Variants in CNMD observed in about 807,000 individuals in gnomAD.
CNMD encodes the protein chondromodulin, also known as leukocyte cell-derived chemotaxin 1.
Under a neutral mutation model 37.5 loss-of-function variants are expected in CNMD, and 30 were observed. The ratio of observed to expected loss-of-function variants is 0.80; its 90% CI spans 0.60 to 1.09. The LOEUF is 1.09. CNMD is among the 50% of genes least tolerant of loss of function. The pLI is 0.00. For missense variants in CNMD, 398 were observed against 423.9 expected (o/e 0.94, Z 0.54); for synonymous variants, 167 against 148.2 (o/e 1.13, Z -0.92).
intron 6 of CNMD, among the ~76,000 whole-genome samples, chr13:52,704,922 G>C (rs1164451555): frequency 7.6e-6 from 1 of 131,402 alleles, no homozygotes; most frequent in African/African-American, 2.8e-5. Flanking sequence ...AGCCAGGCGT[G>C]GTGGTGGACA....
In CNMD at chr13:52,703,751, A is replaced by G. The variant is rs910613007; in HGVS notation, c.849T>C (p.Cys283=). The part of the protein sequence containing the change: ...DPRLDHEGIC[C]IECRRSYTHC... ...GGGTGTAGCTCCGCCTACATTCTAT[A>G]CAACAGATTCCTTCGTGATCCAGTC... The change falls in exon 7 of 7, where the codon TGT becomes TGC. Residue 283 remains cysteine (C), a synonymous_variant. Transcript: ENST00000377962. 1.9e-6 allele frequency: 3 copies of G among 1,613,844 alleles called. No individual in the cohort carries two copies. Among genetic ancestry groups the G allele is most frequent in the Admixed American group, 1.7e-5 (1 of 59,960 alleles).
intron 6 of CNMD, among the ~76,000 whole-genome samples, chr13:52,705,599 C>T (rs1225655139): frequency 6.6e-6 from 1 of 152,046 alleles, no homozygotes; most frequent in African/African-American, 2.4e-5. Flanking sequence ...GAGGACCTGA[C>T]AAAAGTTTTA....
chr13:52,706,134 T>C (rs1964170169), intron 6 of CNMD, among the ~76,000 whole-genome samples: 3 of 152,182 alleles, frequency 2.0e-5, no homozygotes, highest in Non-Finnish European at 4.4e-5. Context: ...GAAAAGATGC[T>C]CACCCTTACA....
intron 6 of CNMD, among the ~76,000 whole-genome samples, chr13:52,708,249 T>G (rs925495034): frequency 1.3e-5 from 2 of 151,496 alleles, no homozygotes; most frequent in African/African-American, 4.9e-5. Flanking sequence ...TGGCCCAATC[T>G]CGGCTCACTG....
At chr13:52,723,885 ACT>A in intron 4 of CNMD, 110 bp downstream of exon 4, 1 of 704,394 alleles carries the variant, frequency 1.4e-6, no homozygotes, top group South Asian at 1.8e-5. Context: ...CCAGAGTGAG[ACT>A]CTGTCTCAAT....
Position 52,739,136 on chromosome 13 carries a change from G to T in CNMD, c.108C>A (p.Pro36=), listed in dbSNP as rs370831362. The change falls in exon 2 of 7, where the codon CCC becomes CCA. Residue 36 remains proline (P), a synonymous_variant. Coordinates refer to ENST00000377962, the MANE Select transcript of CNMD (RefSeq NM_007015.3). This position sits in a 1 kb window ranked among gnomAD's most constrained non-coding sequence, Gnocchi z 5.4. ...YATLTVKPSS[P]ARLLKVGAVV... is the part of the protein sequence containing the mutation. Reference sequence around the variant, plus strand: ...CGGCTCCCACCTTGAGCAGCCGCGCGGGGCTGGAGGGCTTCACCGTCAGCG... The same window carrying T: ...CGGCTCCCACCTTGAGCAGCCGCGCTGGGCTGGAGGGCTTCACCGTCAGCG... 1 of 1,539,314 alleles carries T rather than the reference G, an allele frequency of 6.5e-7. No homozygotes were observed. The highest frequency in any genetic ancestry group is 8.7e-7 in the Non-Finnish European group (1 of 1,150,090).
intron 4 of CNMD, among the ~76,000 whole-genome samples, chr13:52,717,467 T>C (rs1481202600): frequency 9.2e-5 from 14 of 152,232 alleles, no homozygotes; most frequent in Admixed American, 7.9e-4. Flanking sequence ...CACTATGATA[T>C]TGGCTGTGGG....
At chr13:52,735,776 A>C (rs796301499) in intron 2 of CNMD, among the ~76,000 whole-genome samples, 9 of 151,220 alleles carry the variant, frequency 6.0e-5, no homozygotes, top group African/African-American at 2.2e-4. Context: ...GCAGGACCAC[A>C]GATTGGACAA....
At chr13:52,723,546 A>G (rs1300317543) in intron 4 of CNMD, among the ~76,000 whole-genome samples, 2 of 152,240 alleles carry the variant, frequency 1.3e-5, no homozygotes, top group Non-Finnish European at 2.9e-5. Flanking sequence ...TGACCCCAGT[A>G]GGACAAAAAC....
intron 6 of CNMD, among the ~76,000 whole-genome samples, chr13:52,706,807 C>T (rs1416495489): frequency 6.6e-6 from 1 of 152,012 alleles, no homozygotes; most frequent in Middle Eastern, 3.4e-3. Context: ...TAATAGTTTG[C>T]TTTGGGGAGG....
At position 52,703,637 on chromosome 13, in the gene CNMD, CATG is replaced by C; in HGVS notation, c.960_962del (p.Ile320del). 6.2e-7 allele frequency: 1 copy of C among 1,613,896 alleles called. No homozygotes were observed. The highest frequency in any genetic ancestry group is 8.5e-7 in the Non-Finnish European group (1 of 1,179,848). On this transcript the variant is annotated inframe_deletion, in exon 7 of 7. Coordinates refer to ENST00000377962, the MANE Select transcript of CNMD (RefSeq NM_007015.3). Reference sequence around the variant, plus strand: ...TACGGGCCACCCACCAGCTACATGGCATGATGACTCTGCAGGCCGAACGGCAGC... The same window carrying C: ...TACGGGCCACCCACCAGCTACATGGCATGACTCTGCAGGCCGAACGGCAGC...
intron 5 of CNMD, 29 bp downstream of exon 5, chr13:52,712,687 A>G (rs62637607): frequency 0.014 from 19,640 of 1,423,234 alleles, 400 homozygotes; most frequent in Admixed American, 0.11. Context: ...GGAAAGTTGT[A>G]AACAGCTTAA....
intron 2 of CNMD, 91 bp from the exon 3 acceptor site, chr13:52,733,450 A>G (rs1964708464): frequency 8.9e-7 from 1 of 1,123,976 alleles, no homozygotes; most frequent in African/African-American, 1.5e-5. Flanking sequence ...TAGTGTCCAT[A>G]TGTTTCAGAG....
chr13:52,708,469 C>A, intron 6 of CNMD, 67 bp downstream of exon 6: 1 of 1,445,190 alleles, frequency 6.9e-7, no homozygotes, highest in South Asian at 1.3e-5. Flanking sequence ...GCGTAAGCCA[C>A]CACGCCCGGC....
chr13:52,706,432 T>C (rs1361289117), intron 6 of CNMD, among the ~76,000 whole-genome samples: 1 of 152,228 alleles, frequency 6.6e-6, no homozygotes, highest in Admixed American at 6.5e-5. Context: ...TGTTCACCTA[T>C]GTATCTCAAG....
intron 2 of CNMD, among the ~76,000 whole-genome samples, chr13:52,737,046 A>G (rs1964780392): frequency 6.6e-6 from 1 of 152,230 alleles, no homozygotes. Context: ...TGAAAAGGAT[A>G]GGAGGTGAAT....
At chr13:52,713,738 CT>C (rs966271413) in intron 4 of CNMD, among the ~76,000 whole-genome samples, 3 of 152,114 alleles carry the variant, frequency 2.0e-5, no homozygotes, top group African/African-American at 7.2e-5. Context: ...AGTACTGTAG[CT>C]TTTTAAAGTT....
chr13:52,724,452 G>A (rs1347642724), intron 3 of CNMD, among the ~76,000 whole-genome samples: 5 of 149,776 alleles, frequency 3.3e-5, no homozygotes, highest in Non-Finnish European at 7.4e-5. Flanking sequence ...TTAGCCAGGC[G>A]TGGTGGCGGG....
intron 5 of CNMD, among the ~76,000 whole-genome samples, chr13:52,709,188 G>A (rs138242050): frequency 6.6e-6 from 1 of 152,286 alleles, no homozygotes; most frequent in Non-Finnish European, 1.5e-5. Flanking sequence ...CTTGAACACA[G>A]ATGTGATATC....
Sources: gnomAD v4.1 joint callset for allele counts (sites outside exome capture counted in the v4.1 genomes callset) on GRCh38, gnomAD v4.1.1 for gene constraint, Gnocchi (gnomAD v3.1) non-coding constraint, MANE v1.5 for transcripts, NCBI Gene and HGNC (gene_info 2026-07-23, HGNC 2026-07-21) for gene names.